Variants in CCDC186 observed in about 807,000 individuals in gnomAD.
CCDC186 encodes the protein coiled-coil domain containing 186, also known as coiled-coil domain-containing protein 186.
In CCDC186, 49 loss-of-function variants were observed where a neutral mutation model predicts 113.7. That is an observed-to-expected ratio of 0.43 (90% confidence interval 0.34 to 0.55). The LOEUF (loss-of-function observed/expected upper bound fraction) is 0.55, where lower values mean the gene tolerates loss of function less well. CCDC186 is among the 20% of genes least tolerant of loss of function. The pLI, the probability that CCDC186 is intolerant of heterozygous loss-of-function variation, is 0.02. For synonymous variants in CCDC186, 355 were observed against 345.8 expected (o/e 1.03, Z -0.30); for missense variants, 890 against 1,011.1 (o/e 0.88, Z 1.62).
chr10:114,154,656 A>T (rs1464450868), intron 3 of CCDC186, among the ~76,000 whole-genome samples: 2 of 152,204 alleles, frequency 1.3e-5, no homozygotes, highest in African/African-American at 4.8e-5. Flanking sequence ...AATTCTTCAC[A>T]AATTTTTGCT....
rs145923036 is a variant in CCDC186, at chr10:114,170,801, T to TCA, written c.-62+3212_-62+3213dup. On this transcript the variant is annotated intron_variant, in intron 1 of 15. Transcript: ENST00000369287. ...AGAACTTTATGATATGTGCATTATA[T>TCA]CACACACACACACACAAAGATGTTT... Among the ~76,000 whole-genome samples, 230 of 151,264 alleles carry TCA rather than the reference T, an allele frequency of 1.5e-3. 1 individual carries two copies. The highest frequency in any genetic ancestry group is 4.7e-3 in the African/African-American group (193 of 41,222).
intron 6 of CCDC186, among the ~76,000 whole-genome samples, chr10:114,142,454 A>G (rs192918456): frequency 1.7e-4 from 26 of 152,352 alleles, no homozygotes; most frequent in African/African-American, 6.3e-4. Context: ...TCTCATCCTG[A>G]TATCAGGTAG....
At chr10:114,126,218 C>T in intron 14 of CCDC186, 113 bp from the exon 15 acceptor site, 1 of 747,824 alleles carries the variant, frequency 1.3e-6, no homozygotes, top group Non-Finnish European at 2.1e-6. Context: ...AGGTTAATAA[C>T]CTAACTATAT....
chr10:114,172,638 T>C (rs936148721), intron 1 of CCDC186, among the ~76,000 whole-genome samples: 1 of 152,228 alleles, frequency 6.6e-6, no homozygotes, highest in East Asian at 1.9e-4. Context: ...AGGGAGAATC[T>C]TCAGTAATCA....
intron 1 of CCDC186, among the ~76,000 whole-genome samples, chr10:114,164,894 C>G (rs142254540): frequency 2.6e-5 from 4 of 152,270 alleles, no homozygotes; most frequent in African/African-American, 9.6e-5. Context: ...TTGTTAAGAA[C>G]AAATCATAGT....
chr10:114,173,672 G>T (rs2032594467), intron 1 of CCDC186, among the ~76,000 whole-genome samples: 1 of 152,230 alleles, frequency 6.6e-6, no homozygotes, highest in African/African-American at 2.4e-5. Flanking sequence ...AGCAGGTAGG[G>T]CTTGGCTGCA....
intron 3 of CCDC186, among the ~76,000 whole-genome samples, chr10:114,155,376 T>G (rs576242210): frequency 1.4e-4 from 21 of 152,332 alleles, no homozygotes; most frequent in Admixed American, 3.3e-4. Context: ...GTAGTCACAC[T>G]TTAAAAAGTA....
chr10:114,153,673 C>T (rs2031920124), intron 3 of CCDC186, among the ~76,000 whole-genome samples: 1 of 151,448 alleles, frequency 6.6e-6, no homozygotes, highest in African/African-American at 2.4e-5. Context: ...GTAATCCCAG[C>T]TACTTGGGAG....
chr10:114,171,348 G>A (rs997561776), intron 1 of CCDC186, among the ~76,000 whole-genome samples: 2 of 151,888 alleles, frequency 1.3e-5, no homozygotes, highest in African/African-American at 4.8e-5. Context: ...AACAGCCTGG[G>A]AAACATAGCA....
chr10:114,149,926 C>G (rs73355748), intron 4 of CCDC186, among the ~76,000 whole-genome samples: 21,701 of 151,928 alleles, frequency 0.14, 1,666 homozygotes, highest in African/African-American at 0.18. Flanking sequence ...TTTGGGCCCG[C>G]TAAAACCAGT....
In CCDC186 at chr10:114,143,858, T is replaced by C. The variant is rs368886971; in HGVS notation, c.1221+639A>G. On this transcript the variant is annotated intron_variant, in intron 6 of 15. Transcript: ENST00000369287. ...AGAGTTGTTCTTTTACTTCACATTC[T>C]ATCATCTTCAGATTTTTATTACCTC... Among the ~76,000 whole-genome samples the C allele has an allele frequency of 2.6e-5, 4 of 152,296 alleles. No homozygotes were observed. In the South Asian group the frequency reaches 8.3e-4, roughly 32 times the overall value.
At position 114,122,368 on chromosome 10, in the gene CCDC186, C is replaced by T. The variant is rs1410300597; in HGVS notation, c.*2775G>A. ...GTTCAAATTCATTCTTCTGCCCAAA[C>T]CTACCATTTTCAGTCCTTAAAACTA... On this transcript the variant is annotated 3_prime_UTR_variant, in exon 16 of 16. Coordinates refer to ENST00000369287, the MANE Select transcript of CCDC186 (RefSeq NM_018017.4). 1 of 152,132 alleles carries T rather than the reference C, an allele frequency of 6.6e-6. No homozygotes were observed. Among genetic ancestry groups the T allele is most frequent in the Non-Finnish European group, 1.5e-5 (1 of 68,028 alleles). 9.4% of individuals were successfully genotyped at this position (152,132 alleles called of 1,614,324 possible).
At chr10:114,150,739 C>T (rs906474665) in intron 4 of CCDC186, among the ~76,000 whole-genome samples, 1 of 152,162 alleles carries the variant, frequency 6.6e-6, no homozygotes, top group African/African-American at 2.4e-5. Context: ...ACCTCCGCCT[C>T]CCGGGTTCAA....
At position 114,167,412 on chromosome 10, in the gene CCDC186, T is replaced by C. The variant is rs1224217341; in HGVS notation, c.-61-4083A>G. 2.6e-5 allele frequency among the ~76,000 whole-genome samples: 4 copies of C among 152,140 alleles called. No homozygotes were observed. The South Asian group carries it at 6.2e-4, about 24-fold the overall frequency. Reference sequence around the variant, plus strand: ...ACCATAAATAGCTGCACAAGAGTGGTAGCAGATGGGGAGAAAAAGCAATGA... The same window carrying C: ...ACCATAAATAGCTGCACAAGAGTGGCAGCAGATGGGGAGAAAAAGCAATGA... On this transcript the variant is annotated intron_variant, in intron 1 of 15. Coordinates refer to ENST00000369287, the MANE Select transcript of CCDC186 (RefSeq NM_018017.4).
At chr10:114,144,461 A>G (rs552535902) in intron 6 of CCDC186, 36 bp downstream of exon 6, 1 of 1,571,738 alleles carries the variant, frequency 6.4e-7, no homozygotes, top group South Asian at 1.2e-5. Flanking sequence ...AAAAAAACTC[A>G]TTCTAATCAT....
chr10:114,164,827 A>G (rs534130277), intron 1 of CCDC186, among the ~76,000 whole-genome samples: 159 of 152,334 alleles, frequency 1.0e-3, no homozygotes, highest in Non-Finnish European at 1.5e-3. Flanking sequence ...GGATGATGAA[A>G]AGAGAGAGAG....
At chr10:114,164,065 AGTGTGTGTGTGTGTGTGT>A (rs747232906) in intron 1 of CCDC186, among the ~76,000 whole-genome samples, 5 of 107,032 alleles carry the variant, frequency 4.7e-5, no homozygotes, top group South Asian at 3.3e-4. Flanking sequence ...ACCAAGTTAG[AGTGTGTGTGTGTGTGTGT>A]GTGTGTGTGT....
intron 9 of CCDC186, 88 bp from the exon 10 acceptor site, chr10:114,135,143 A>G (rs1351778800): frequency 7.8e-7 from 1 of 1,284,248 alleles, no homozygotes; most frequent in Non-Finnish European, 1.0e-6. Context: ...GAATAATCTA[A>G]AAATTCTAAA....
intron 2 of CCDC186, chr10:114,162,270 T>C (rs778404279): frequency 4.2e-4 from 68 of 160,168 alleles, no homozygotes; most frequent in Non-Finnish European, 6.9e-4. Flanking sequence ...TTTAAACCAA[T>C]GAATTTAGAA....
Sources: allele counts gnomAD v4.1 joint callset (sites outside exome capture counted in the v4.1 genomes callset), GRCh38; gene constraint gnomAD v4.1.1; transcripts MANE v1.5; gene names NCBI Gene and HGNC (gene_info 2026-07-23, HGNC 2026-07-21).